Variants in KMT2B observed in about 807,000 individuals in gnomAD.
KMT2B encodes lysine methyltransferase 2B.
A neutral mutation model predicts 255.3 loss-of-function variants in KMT2B; 22 were observed. The ratio of observed to expected loss-of-function variants is 0.09; its 90% CI spans 0.06 to 0.12. KMT2B has a LOEUF of 0.12. Ranked by LOEUF, KMT2B falls within the 10% of genes least tolerant of loss-of-function variation. The pLI is 1.00. For missense variants in KMT2B, 3,149 were observed against 3,737.0 expected (o/e 0.84, Z 4.10); for synonymous variants, 1,730 against 1,498.1 (o/e 1.15, Z -3.57).
Position 35,722,366 on chromosome 19 carries a change from C to T in KMT2B, c.2465C>T (p.Pro822Leu). The T allele has an allele frequency of 6.2e-7, 1 of 1,609,278 alleles. No individual in the cohort carries two copies. Among genetic ancestry groups the T allele is most frequent in the Non-Finnish European group, 8.5e-7 (1 of 1,179,362 alleles). ...CTGTTTATTCCCTGCCAGCTGAGCC[C>T]TGGAGGGCAGATGGAGGAGGTGGCC... ...QKVAASMPLS[P>L]GGQMEEVAGA... The change falls in exon 4 of 37, where the codon CCT (proline) becomes CTT (leucine). Residue 822 changes from proline (P) to leucine (L), a missense_variant. Around this residue, in one of 18 missense-constraint regions of KMT2B, gnomAD observed 1,188 missense variants for 1,106.4 expected, o/e 1.07. Coordinates refer to ENST00000420124, the MANE Select transcript of KMT2B (RefSeq NM_014727.3).
chr19:35,727,633 C>A lies in KMT2B; in HGVS notation c.4302+11C>A. ...CTGCTCTGCACCCAGGTCTGGAGGG[C>A]CCTGGAGGCAGGATGGGCCGGGGCT... On this transcript the variant is annotated intron_variant, in intron 16 of 36. Coordinates refer to ENST00000420124, the MANE Select transcript of KMT2B (RefSeq NM_014727.3). The surrounding 1 kb of genome is among the most constrained non-coding windows in gnomAD (Gnocchi z 4.2). 6.2e-7 allele frequency: 1 copy of A among 1,611,020 alleles called. No homozygotes were observed.
intron 9 of KMT2B, 30 bp downstream of exon 9, chr19:35,724,761 C>A (rs1201467669): frequency 6.5e-7 from 1 of 1,541,722 alleles, no homozygotes; most frequent in Admixed American, 1.9e-5. Flanking sequence ...AGAGCCCCTT[C>A]CCTCCAGGAG....
intron 30 of KMT2B, among the ~76,000 whole-genome samples, chr19:35,734,714 G>A (rs145502003): frequency 8.9e-4 from 136 of 152,320 alleles, no homozygotes; most frequent in Middle Eastern, 3.4e-3. Flanking sequence ...TGGCGGTGGA[G>A]TGGTGGAGTT....
rs753773125 is a variant in KMT2B at position 35,732,125 on chromosome 19, G to A, written c.5655G>A (p.Leu1885=). ...TGGGGGGTGTCTCCTTTGGCCCCCT[G>A]CCCTCCCCTGGTGAGCACCGGGCAT... ...RPLGGVSFGP[L]PSPGSPSSLT... is the part of the protein sequence containing the mutation. Residue 1885 remains leucine (L), a synonymous_variant, in exon 27 of 37, where the codon CTG becomes CTA. Transcript: ENST00000420124. 2 of 1,592,906 alleles carry A rather than the reference G, an allele frequency of 1.3e-6. No homozygotes were observed. The highest frequency in any genetic ancestry group is 2.7e-5 in the African/African-American group (2 of 74,160).
At position 35,734,005 on chromosome 19, in the gene KMT2B, T is replaced by G. The variant is rs187194091; in HGVS notation, c.7159+133T>G. On this transcript the variant is annotated intron_variant, in intron 30 of 36. Coordinates refer to ENST00000420124, the MANE Select transcript of KMT2B (RefSeq NM_014727.3). ...CCAAGCCTGAGGCTCGGTGCTAGAGTTAGAGATGACCTTGGGGAGCCTCTG... is the reference window on the plus strand; with the variant it reads ...CCAAGCCTGAGGCTCGGTGCTAGAGGTAGAGATGACCTTGGGGAGCCTCTG... 10 of 638,078 alleles carry G rather than the reference T, an allele frequency of 1.6e-5. No individual in the cohort carries two copies. The East Asian group carries it at 1.7e-4, about 11-fold the overall frequency. 39.5% of individuals were successfully genotyped at this position (638,078 alleles called of 1,614,324 possible).
In KMT2B at chr19:35,737,865, C is replaced by T. The variant is rs1969981451; in HGVS notation, c.7665C>T (p.Ala2555=). Residue 2555 remains alanine, a synonymous_variant, in exon 35 of 37, where the codon GCC becomes GCT. Coordinates refer to ENST00000420124, the MANE Select transcript of KMT2B (RefSeq NM_014727.3). The surrounding 1 kb of genome is among the most constrained non-coding windows in gnomAD (Gnocchi z 5.3). ...CACTGCTGTCCCTCACCAGACGTGC[C>T]ACCAGCCTGGAGCTGCCCATGGCCA... is the stretch of plus-strand genomic sequence containing the variant. ...DEVQLRSTRR[A]TSLELPMAMR... is the part of the protein sequence containing the mutation. 2.5e-6 allele frequency: 4 copies of T among 1,571,486 alleles called. No homozygotes were observed. Among genetic ancestry groups the T allele is most frequent in the African/African-American group, 2.7e-5 (2 of 73,904 alleles).
chr19:35,723,192 C>T lies in KMT2B; in HGVS notation c.2920C>T (p.Arg974Cys), dbSNP rs1253599925. ...ARCGHCRGCL[R>C]VQDCGSCVNC... Reference sequence around the variant, plus strand: ...ATGTGGACACTGTCGGGGCTGCCTACGTGTGCAGGACTGTGGGTCCTGTGT... The same window carrying T: ...ATGTGGACACTGTCGGGGCTGCCTATGTGTGCAGGACTGTGGGTCCTGTGT... The change falls in exon 6 of 37, where the codon CGT becomes TGT. Residue 974 changes from arginine to cysteine, a missense_variant. By Grantham distance (180) the Arg-to-Cys change is radical. Coordinates refer to ENST00000420124, the MANE Select transcript of KMT2B (RefSeq NM_014727.3). This position sits in a 1 kb window ranked among gnomAD's most constrained non-coding sequence, Gnocchi z 7.5. The T allele has an allele frequency of 2.5e-6, 4 of 1,613,364 alleles. No homozygotes were observed. Among genetic ancestry groups the T allele is most frequent in the South Asian group, 1.1e-5 (1 of 91,088 alleles).
intron 22 of KMT2B, 99 bp downstream of exon 22, chr19:35,729,395 C>T (rs75055738): frequency 4.9e-5 from 71 of 1,445,572 alleles, no homozygotes; most frequent in Non-Finnish European, 6.6e-5. Context: ...ACCTGGCATC[C>T]TTTCACTGCC....
In KMT2B at chr19:35,733,224, C is replaced by G; in HGVS notation, c.6675C>G (p.Ser2225=). The change falls in exon 28 of 37, where the codon TCC becomes TCG. Residue 2225 remains serine, a synonymous_variant. Coordinates refer to ENST00000420124, the MANE Select transcript of KMT2B (RefSeq NM_014727.3). This position sits in a 1 kb window ranked among gnomAD's most constrained non-coding sequence, Gnocchi z 4.3. The stretch of plus-strand genomic sequence containing the variant: ...AGCCACCTTTGCCCCCCACCATTTC[C>G]CCCACGGCTCCCACCTCCTGGACTC... The part of the protein sequence containing the change: ...VKQPPLPPTI[S]PTAPTSWTLP... The G allele has an allele frequency of 2.0e-6, 3 of 1,488,134 alleles. No homozygotes were observed. Among genetic ancestry groups the G allele is most frequent in the Non-Finnish European group, 2.7e-6 (3 of 1,092,202 alleles). 92.2% of individuals were successfully genotyped at this position (1,488,134 alleles called of 1,614,324 possible).
At position 35,738,028 on chromosome 19, in the gene KMT2B, C is replaced by T; in HGVS notation, c.7743-34C>T. 1.9e-6 allele frequency: 3 copies of T among 1,613,488 alleles called. No individual in the cohort carries two copies. Among genetic ancestry groups the T allele is most frequent in the Non-Finnish European group, 2.5e-6 (3 of 1,179,674 alleles). ...GGTACTGTCTGGTTTCTGTCCCCCT[C>T]CCCCCTGAGTTCCCTGTTCATCCTG... On this transcript the variant is annotated intron_variant, in intron 35 of 36. Transcript: ENST00000420124. The surrounding 1 kb of genome is among the most constrained non-coding windows in gnomAD (Gnocchi z 8.7).
chr19:35,730,937 C>T, intron 26 of KMT2B, 70 bp downstream of exon 26: 1 of 1,459,958 alleles, frequency 6.8e-7, no homozygotes, highest in Non-Finnish European at 9.1e-7. Flanking sequence ...CTCTGTTCCC[C>T]GCTCCCTTTT....
Position 35,736,992 on chromosome 19 carries a change from G to C in KMT2B, c.7372+6G>C, listed in dbSNP as rs1456003828. 1 of 1,613,222 alleles carries C rather than the reference G, an allele frequency of 6.2e-7. No homozygotes were observed. The highest frequency in any genetic ancestry group is 1.1e-5 in the South Asian group (1 of 90,972). Reference sequence around the variant, plus strand: ...CAGACATCTCTCCTTTAGTGGTAAGGAGTGGGCCCCACAGGGGGCAGGGAG... The same window carrying C: ...CAGACATCTCTCCTTTAGTGGTAAGCAGTGGGCCCCACAGGGGGCAGGGAG... On this transcript the variant is annotated splice_donor_region_variant and intron_variant, in intron 32 of 36. Coordinates refer to ENST00000420124, the MANE Select transcript of KMT2B (RefSeq NM_014727.3).
At chr19:35,722,962 G>A in intron 5 of KMT2B, 33 bp from the exon 6 acceptor site, 1 of 1,507,584 alleles carries the variant, frequency 6.6e-7, no homozygotes, top group South Asian at 1.3e-5. Context: ...TGGCTTTGTG[G>A]CTCCATCCCC....
rs755867535 is a variant in KMT2B, at chr19:35,738,589, C to T, written c.*32C>T. Reference sequence around the variant, plus strand: ...GGCTGCCCACCACGACCCCTCACACCTCCTGCTGCCGTCGCTGCCATCTTG... The same window carrying T: ...GGCTGCCCACCACGACCCCTCACACTTCCTGCTGCCGTCGCTGCCATCTTG... On this transcript the variant is annotated 3_prime_UTR_variant, in exon 37 of 37. Coordinates refer to ENST00000420124, the MANE Select transcript of KMT2B (RefSeq NM_014727.3). This position sits in a 1 kb window ranked among gnomAD's most constrained non-coding sequence, Gnocchi z 8.7. 15 of 1,597,890 alleles carry T rather than the reference C, an allele frequency of 9.4e-6. No individual in the cohort carries two copies. Among genetic ancestry groups the T allele is most frequent in the Non-Finnish European group, 1.2e-5 (14 of 1,170,234 alleles).
rs768541536 is a variant in KMT2B, at chr19:35,721,528, G to A, written c.2181G>A (p.Leu727=). Residue 727 remains leucine, a synonymous_variant, in exon 3 of 37, where the codon CTG becomes CTA. Coordinates refer to ENST00000420124, the MANE Select transcript of KMT2B (RefSeq NM_014727.3). ...TGTCCCCTCACGGGGCTCCAGCTCT[G>A]AGCAACGGGCCACAGACACAGGCTC... ...AEVSPHGAPA[L]SNGPQTQAQL... is the part of the protein sequence containing the mutation. The A allele has an allele frequency of 1.2e-6, 2 of 1,611,692 alleles. No homozygotes were observed. The highest frequency in any genetic ancestry group is 1.7e-6 in the Non-Finnish European group (2 of 1,179,850).
Position 35,732,672 on chromosome 19 carries a change from G to A in KMT2B, c.6123G>A (p.Val2041=). ...TSRYIHFPVT[V]VSAPGLAPSA... ...GCTACATCCACTTCCCTGTGACTGT[G>A]GTGTCCGCCCCTGGTCTGGCCCCCA... The change falls in exon 28 of 37, where the codon GTG becomes GTA. Residue 2041 remains valine, a synonymous_variant. Coordinates refer to ENST00000420124, the MANE Select transcript of KMT2B (RefSeq NM_014727.3). 6.2e-7 allele frequency: 1 copy of A among 1,609,924 alleles called. No homozygotes were observed. The highest frequency in any genetic ancestry group is 8.5e-7 in the Non-Finnish European group (1 of 1,178,334).
intron 22 of KMT2B, 148 bp downstream of exon 22, chr19:35,729,444 G>C (rs1969604209): frequency 9.1e-7 from 1 of 1,095,106 alleles, no homozygotes; most frequent in Admixed American, 2.4e-5. Flanking sequence ...CGTTGGTGCT[G>C]ATGGCAGCTT....
At chr19:35,731,789 C>T (rs1246765277) in intron 26 of KMT2B, 119 bp from the exon 27 acceptor site, 2 of 769,984 alleles carry the variant, frequency 2.6e-6, no homozygotes, top group African/African-American at 1.7e-5. Context: ...GAAACTGGGG[C>T]CTGTTGTGAC....
intron 8 of KMT2B, 137 bp from the exon 9 acceptor site, chr19:35,724,500 A>G: frequency 1.3e-6 from 1 of 758,668 alleles, no homozygotes; most frequent in South Asian, 1.6e-5. Context: ...CCCTGCCTCA[A>G]AAAACAAGAA....
Sources: gnomAD v4.1 joint callset for allele counts (sites outside exome capture counted in the v4.1 genomes callset) on GRCh38, gnomAD v4.1.1 for gene constraint, gnomAD v4.1.1 regional missense constraint, Gnocchi (gnomAD v3.1) non-coding constraint, MANE v1.5 for transcripts, NCBI Gene and HGNC (gene_info 2026-07-23, HGNC 2026-07-21) for gene names.